The following DNAH11 variants were observed in gnomAD, a reference collection of about 807,000 sequenced individuals.
DNAH11 encodes dynein axonemal heavy chain 11.
Under a neutral mutation model 526.0 loss-of-function variants are expected in DNAH11, and 442 were observed. The ratio of observed to expected loss-of-function variants is 0.84; its 90% CI spans 0.78 to 0.91. The LOEUF (loss-of-function observed/expected upper bound fraction) is 0.91. DNAH11 is among the 40% of genes least tolerant of loss of function. The pLI is 0.00. For missense variants in DNAH11, 6,989 were observed against 5,448.7 expected, an observed-to-expected ratio of 1.28 and a Z score of -8.90; for synonymous variants, 2,461 against 1,935.9, an observed-to-expected ratio of 1.27 and a Z score of -7.12.
chr7:21,887,135 A>G (rs1784153715), intron 76 of DNAH11, among the ~76,000 whole-genome samples: 1 of 152,232 alleles, frequency 6.6e-6, no homozygotes, highest in South Asian at 2.1e-4. Flanking sequence ...GAACATGATC[A>G]AAAAGCAACC....
At position 21,741,883 on chromosome 7, in the gene DNAH11, T is replaced by A. The variant is rs768404623; in HGVS notation, c.7915-44T>A. 3 of 1,597,558 alleles carry A rather than the reference T, an allele frequency of 1.9e-6. No homozygotes were observed. The South Asian group carries it at 3.4e-5, about 18-fold the overall frequency. ...AAATCAGGTCTTTGCAATTTTCTGG[T>A]ACAATTGTAATCCTTACACTCTTAT... is the stretch of plus-strand genomic sequence containing the variant. On this transcript the variant is annotated intron_variant, in intron 48 of 81. Transcript: ENST00000409508.
intron 49 of DNAH11, among the ~76,000 whole-genome samples, chr7:21,743,105 A>G (rs2128491210): frequency 6.6e-6 from 1 of 152,370 alleles, no homozygotes; most frequent in South Asian, 2.1e-4. Context: ...TACATGGGCA[A>G]TTAAGTTTCA....
chr7:21,898,344 G>C (rs368376944), intron 79 of DNAH11, among the ~76,000 whole-genome samples: 1 of 152,168 alleles, frequency 6.6e-6, no homozygotes, highest in Non-Finnish European at 1.5e-5. Flanking sequence ...TTGTGGTGAC[G>C]TAAGTTTGAC....
intron 65 of DNAH11, among the ~76,000 whole-genome samples, chr7:21,835,466 A>G (rs984990317): frequency 1.3e-5 from 2 of 152,218 alleles, no homozygotes; most frequent in Admixed American, 6.5e-5. Context: ...AACATACACA[A>G]ATCAATAAAT....
rs199789835 is a variant in DNAH11 at position 21,748,590 on chromosome 7, A to G, written c.8521A>G (p.Ser2841Gly). The change falls in exon 52 of 82, where the codon AGC becomes GGC. Residue 2841 changes from serine to glycine, a missense_variant. Physicochemically the swap from Ser to Gly is moderately conservative, Grantham distance 56. Transcript: ENST00000409508. ...GCTTCCTTTCCTCAGGTGTCGCATC[A>G]GCCGGATCTTACGAACCCCTCAGGG... ...EDAMQHVCRISRILRTPQGCA... is the reference protein window; with the variant it reads ...EDAMQHVCRIGRILRTPQGCA... 4.9e-4 allele frequency: 749 copies of G among 1,544,072 alleles called. 2 individuals are homozygous for G. The highest frequency in any genetic ancestry group is 8.0e-4 in the South Asian group (64 of 79,756).
intron 28 of DNAH11, among the ~76,000 whole-genome samples, chr7:21,640,236 C>T (rs1787061169): frequency 6.6e-6 from 1 of 152,132 alleles, no homozygotes; most frequent in South Asian, 2.1e-4. Context: ...CTTTTACATA[C>T]TTATTAGCAC....
intron 24 of DNAH11, among the ~76,000 whole-genome samples, chr7:21,619,446 A>G (rs867933248): frequency 6.6e-6 from 1 of 152,168 alleles, no homozygotes; most frequent in South Asian, 2.1e-4. Context: ...TATAGCAGAA[A>G]ATACTTACAT....
rs6957850 is a variant in DNAH11, at chr7:21,818,158, A to T, written c.10569-59A>T. On this transcript the variant is annotated intron_variant, in intron 64 of 81. Transcript: ENST00000409508. Reference sequence around the variant, plus strand: ...TAAATATAATTTGATCATTTAAAAAATTTTGAACATTTTGTGCCAATTTAC... The same window carrying T: ...TAAATATAATTTGATCATTTAAAAATTTTTGAACATTTTGTGCCAATTTAC... 0.14 allele frequency: 220,792 copies of T among 1,542,990 alleles called. 16,355 individuals carry two copies. The highest frequency in any genetic ancestry group is 0.2 in the African/African-American group (14,351 of 72,202).
chr7:21,551,272 C>T (rs189179574), intron 2 of DNAH11, among the ~76,000 whole-genome samples: 1 of 152,312 alleles, frequency 6.6e-6, no homozygotes, highest in African/African-American at 2.4e-5. Context: ...CTAATTTCCT[C>T]GTCCAGGGAG....
intron 25 of DNAH11, among the ~76,000 whole-genome samples, chr7:21,622,556 C>T (rs898451912): frequency 6.6e-6 from 1 of 152,138 alleles, no homozygotes; most frequent in East Asian, 1.9e-4. Flanking sequence ...ATCACACTAC[C>T]CGACTTCAAA....
intron 65 of DNAH11, among the ~76,000 whole-genome samples, chr7:21,828,784 A>G (rs530311710): frequency 3.4e-4 from 51 of 148,778 alleles, no homozygotes; most frequent in East Asian, 7.8e-4. Context: ...TTGCTGTACA[A>G]TGTTACCTGG....
chr7:21,546,729 G>T (rs1344151978), intron 2 of DNAH11, among the ~76,000 whole-genome samples: 3 of 152,090 alleles, frequency 2.0e-5, no homozygotes, highest in Non-Finnish European at 2.9e-5. Flanking sequence ...CATTTCAAAA[G>T]AAACAATAAT....
At chr7:21,848,245 A>G (rs1173767936) in intron 66 of DNAH11, among the ~76,000 whole-genome samples, 2 of 151,624 alleles carry the variant, frequency 1.3e-5, no homozygotes, top group South Asian at 2.1e-4. Context: ...TTTGTTCTCA[A>G]TAATTTTTCT....
intron 23 of DNAH11, 109 bp downstream of exon 23, chr7:21,617,886 A>G (rs897698042): frequency 1.7e-6 from 2 of 1,186,610 alleles, no homozygotes; most frequent in Non-Finnish European, 2.3e-6. Flanking sequence ...CCCCCTCAGC[A>G]TAGCCTCTAC....
At chr7:21,704,337 C>T in intron 37 of DNAH11, 97 bp from the exon 38 acceptor site, 4 of 1,219,160 alleles carry the variant, frequency 3.3e-6, no homozygotes, top group Admixed American at 4.8e-5. Flanking sequence ...ATATCTCATG[C>T]TTCACATATG....
chr7:21,683,633 A>G (rs1318577243), intron 31 of DNAH11, 151 bp from the exon 32 acceptor site: 6 of 718,258 alleles, frequency 8.4e-6, no homozygotes, highest in Non-Finnish European at 8.6e-6. Context: ...GTATTTAACC[A>G]TGTATATGCT....
At chr7:21,821,690 ACTTTT>A (rs1302543367) in intron 65 of DNAH11, among the ~76,000 whole-genome samples, 1 of 152,144 alleles carries the variant, frequency 6.6e-6, no homozygotes, top group African/African-American at 2.4e-5. Context: ...CACGTCAAAC[ACTTTT>A]CTTTGTGTTG....
At chr7:21,612,868 GTAAT>G (rs1177426194) in intron 20 of DNAH11, among the ~76,000 whole-genome samples, 1 of 152,166 alleles carries the variant, frequency 6.6e-6, no homozygotes, top group Non-Finnish European at 1.5e-5. Flanking sequence ...GAAAATCAGT[GTAAT>G]TAATTGCATT....
At chr7:21,732,161 T>A (rs1344820529) in intron 45 of DNAH11, among the ~76,000 whole-genome samples, 12 of 152,170 alleles carry the variant, frequency 7.9e-5, no homozygotes, top group Non-Finnish European at 2.9e-5. Context: ...AGAAGTTTCT[T>A]TTTTCACAGC....
Sources: allele counts gnomAD v4.1 joint callset (sites outside exome capture counted in the v4.1 genomes callset), GRCh38; gene constraint gnomAD v4.1.1; transcripts MANE v1.5; gene names NCBI Gene and HGNC (gene_info 2026-07-23, HGNC 2026-07-21).